Variants in KRCC1 observed in about 807,000 individuals in gnomAD.
KRCC1 encodes lysine-rich coiled-coil protein 1.
In KRCC1, 3 loss-of-function variants were observed where a neutral mutation model predicts 7.4. That is an observed-to-expected ratio of 0.40 (90% CI 0.18 to 1.04). KRCC1 has a LOEUF of 1.04. Among genes scored for constraint, KRCC1 ranks in the 50% least tolerant of loss-of-function variants. KRCC1 has a pLI of 0.33. For synonymous variants in KRCC1, 102 were observed against 101.6 expected, an observed-to-expected ratio of 1.00 and a Z score of -0.02; for missense variants, 277 against 300.9, an observed-to-expected ratio of 0.92 and a Z score of 0.59.
In KRCC1 at chr2:88,027,782, C is replaced by T; in HGVS notation, c.*2G>A. On this transcript the variant is annotated 3_prime_UTR_variant, in exon 4 of 4. Coordinates refer to ENST00000347055, the MANE Select transcript of KRCC1 (RefSeq NM_016618.3). ...ACTTTGGGAGAACCAACTTTGAAAG[C>T]TTCAAAATCCAAGAATAGACTGGTC... 6.4e-7 allele frequency: 1 copy of T among 1,563,378 alleles called. No individual in the cohort carries two copies. Among genetic ancestry groups the T allele is most frequent in the East Asian group, 2.2e-5 (1 of 44,456 alleles).
In KRCC1 at chr2:88,028,524, C is replaced by T. The variant is rs757404784; in HGVS notation, c.40G>A (p.Glu14Lys). Residue 14 changes from glutamate to lysine, a missense_variant, in exon 4 of 4, where the codon GAA becomes AAA. Glu to Lys is a moderately conservative substitution (Grantham distance 56, BLOSUM62 1). Transcript: ENST00000347055. ...TGTACTTTAATATAATCTTCAAGTT[C>T]ATCTTGAAAAGAGTCATATGTCTTC... ...SKKTYDSFQD[E>K]LEDYIKVQKA... 6.2e-7 allele frequency: 1 copy of T among 1,611,392 alleles called. No individual in the cohort carries two copies. The highest frequency in any genetic ancestry group is 2.2e-5 in the East Asian group (1 of 44,770).
At chr2:88,049,852 C>T (rs151068166) in intron 1 of KRCC1, among the ~76,000 whole-genome samples, 1 of 152,356 alleles carries the variant, frequency 6.6e-6, no homozygotes, top group East Asian at 1.9e-4. Context: ...TTCTTCCAGG[C>T]TGCCAACTTC....
chr2:88,047,621 C>G (rs1364923170), intron 1 of KRCC1, among the ~76,000 whole-genome samples: 1 of 152,110 alleles, frequency 6.6e-6, no homozygotes, highest in African/African-American at 2.4e-5. Flanking sequence ...CTCCGCCTCC[C>G]AGGCTCAAGT....
intron 1 of KRCC1, among the ~76,000 whole-genome samples, chr2:88,045,861 G>A (rs368160509): frequency 1.3e-5 from 2 of 151,954 alleles, no homozygotes; most frequent in East Asian, 1.9e-4. Flanking sequence ...TGTATTTTTA[G>A]TAGAGACAGG....
intron 1 of KRCC1, among the ~76,000 whole-genome samples, chr2:88,044,158 A>C (rs527324239): frequency 8.5e-5 from 13 of 152,328 alleles, no homozygotes; most frequent in Admixed American, 1.3e-4. Context: ...TGCCTTCCTA[A>C]CTGATGTAAA....
At chr2:88,031,915 G>A (rs1672999575) in intron 3 of KRCC1, among the ~76,000 whole-genome samples, 1 of 151,940 alleles carries the variant, frequency 6.6e-6, no homozygotes, top group African/African-American at 2.4e-5. Flanking sequence ...GGCTGAAGTA[G>A]GCAGATCACC....
Position 88,032,828 on chromosome 2 carries a change from T to G in KRCC1, c.-23+1306A>C, listed in dbSNP as rs545035740. ...ATTTAAAATAGTGATACACTAGGCATAGTGGCTCATGCCTGTAATCCCAGC... is the reference window on the plus strand; with the variant it reads ...ATTTAAAATAGTGATACACTAGGCAGAGTGGCTCATGCCTGTAATCCCAGC... On this transcript the variant is annotated intron_variant, in intron 3 of 3. Transcript: ENST00000347055. Among the ~76,000 whole-genome samples the G allele has an allele frequency of 4.6e-5, 7 of 152,300 alleles. No individual in the cohort carries two copies. In the South Asian group the frequency reaches 8.3e-4, roughly 18 times the overall value.
intron 1 of KRCC1, among the ~76,000 whole-genome samples, chr2:88,054,464 G>A (rs538345992): frequency 1.3e-5 from 2 of 152,132 alleles, no homozygotes; most frequent in Non-Finnish European, 2.9e-5. Context: ...TCTTTCTCAA[G>A]GACCTGAAAG....
chr2:88,045,689 C>CT (rs955798217), intron 1 of KRCC1, among the ~76,000 whole-genome samples: 71 of 145,920 alleles, frequency 4.9e-4, no homozygotes, highest in East Asian at 8.0e-4. Context: ...TTGAATTGTA[C>CT]TTTTTTTTTT....
At chr2:88,029,087 G>A (rs1198139483) in intron 3 of KRCC1, among the ~76,000 whole-genome samples, 8 of 152,132 alleles carry the variant, frequency 5.3e-5, no homozygotes, top group Admixed American at 1.3e-4. Flanking sequence ...CCCAGGTCAC[G>A]TACCAGTAAC....
chr2:88,035,144 A>T (rs577140251), intron 2 of KRCC1, among the ~76,000 whole-genome samples: 1 of 152,226 alleles, frequency 6.6e-6, no homozygotes, highest in Non-Finnish European at 1.5e-5. Flanking sequence ...AAATCAAAGT[A>T]TCAGCTTCAG....
At position 88,027,703 on chromosome 2, in the gene KRCC1, G is replaced by A; in HGVS notation, c.*81C>T. The A allele has an allele frequency of 8.1e-7, 1 of 1,230,370 alleles. No homozygotes were observed. Among genetic ancestry groups the A allele is most frequent in the Non-Finnish European group, 1.1e-6 (1 of 883,660 alleles). The allele number at this position is 1,230,370 out of a possible 1,614,324, so 76.2% of individuals were successfully genotyped here. A position where few individuals can be genotyped will look rare whatever the true frequency, so the allele number is the denominator to read the frequency against. On this transcript the variant is annotated 3_prime_UTR_variant, in exon 4 of 4. Transcript: ENST00000347055. The stretch of plus-strand genomic sequence containing the variant: ...TAAAGAACCTATTCACATAAGAAAA[G>A]TGGTATGAACACGGATATCATAAAA...
chr2:88,045,271 G>A (rs1013986073), intron 1 of KRCC1, among the ~76,000 whole-genome samples: 3 of 152,108 alleles, frequency 2.0e-5, no homozygotes, highest in Middle Eastern at 3.2e-3. Context: ...ATGCAGATTT[G>A]TCTATGAATG....
intron 1 of KRCC1, among the ~76,000 whole-genome samples, chr2:88,045,489 C>G (rs1443354346): frequency 1.3e-5 from 2 of 152,246 alleles, no homozygotes; most frequent in Non-Finnish European, 2.9e-5. Flanking sequence ...CTGTATGATT[C>G]TATTTATAAA....
chr2:88,051,723 T>C (rs1673491704), intron 1 of KRCC1, among the ~76,000 whole-genome samples: 1 of 152,256 alleles, frequency 6.6e-6, no homozygotes, highest in African/African-American at 2.4e-5. Context: ...TCATCTGAGA[T>C]TACTTTTTGA....
At chr2:88,039,147 C>A (rs552956894) in intron 1 of KRCC1, among the ~76,000 whole-genome samples, 311 of 26,806 alleles carry the variant, frequency 0.012, 1 homozygote, top group African/African-American at 0.019. Context: ...GAAATTGGGT[C>A]AAAAATGAGT....
In KRCC1 at chr2:88,028,556, T is replaced by C; in HGVS notation, c.8A>G (p.His3Arg). The change falls in exon 4 of 4, where the codon CAT (histidine) becomes CGT (arginine). Residue 3 changes from histidine (H) to arginine (R), a missense_variant. By Grantham distance (29) the His-to-Arg change is conservative. Coordinates refer to ENST00000347055, the MANE Select transcript of KRCC1 (RefSeq NM_016618.3). ...AAAAGAGTCATATGTCTTCTTTGAA[T>C]GCTTCATTAGGTTGACAAAACGGGA... MK[H>R]SKKTYDSFQD... 2 of 1,609,152 alleles carry C rather than the reference T, an allele frequency of 1.2e-6. No individual in the cohort carries two copies. Among genetic ancestry groups the C allele is most frequent in the East Asian group, 4.5e-5 (2 of 44,870 alleles).
Position 88,028,552 on chromosome 2 carries a change from T to C in KRCC1, c.12A>G (p.Ser4=), listed in dbSNP as rs774696246. 3.1e-6 allele frequency: 5 copies of C among 1,609,502 alleles called. No individual in the cohort carries two copies. In the East Asian group the frequency reaches 1.1e-4, roughly 36 times the overall value. MKH[S]KKTYDSFQDE... ...CTTGAAAAGAGTCATATGTCTTCTT[T>C]GAATGCTTCATTAGGTTGACAAAAC... Residue 4 remains serine, a synonymous_variant, in exon 4 of 4, where the codon TCA becomes TCG. Coordinates refer to ENST00000347055, the MANE Select transcript of KRCC1 (RefSeq NM_016618.3).
intron 3 of KRCC1, among the ~76,000 whole-genome samples, chr2:88,032,750 C>T (rs1673019009): frequency 6.6e-6 from 1 of 152,192 alleles, no homozygotes; most frequent in Non-Finnish European, 1.5e-5. Flanking sequence ...TATTGATACA[C>T]ATGACGTGAG....
Sources: allele counts gnomAD v4.1 joint callset (sites outside exome capture counted in the v4.1 genomes callset), GRCh38; gene constraint gnomAD v4.1.1; transcripts MANE v1.5; gene names NCBI Gene and HGNC (gene_info 2026-07-23, HGNC 2026-07-21).